Variants in CNTN5 observed in about 807,000 individuals in gnomAD.
CNTN5 encodes the protein contactin 5, also known as contactin-5.
Under a neutral mutation model 129.1 loss-of-function variants are expected in CNTN5, and 77 were observed. That is an observed-to-expected ratio of 0.60 (90% CI 0.50 to 0.72). The LOEUF (loss-of-function observed/expected upper bound fraction) is 0.72, where lower values mean the gene tolerates loss of function less well. CNTN5 is among the 30% of genes least tolerant of loss of function. The pLI, the probability that CNTN5 is intolerant of heterozygous loss-of-function variation, is 0.00. For synonymous variants in CNTN5, 509 were observed against 465.6 expected, an observed-to-expected ratio of 1.09 and a Z score of -1.20; for missense variants, 1,478 against 1,328.8, an observed-to-expected ratio of 1.11 and a Z score of -1.75.
chr11:100,179,595 G>A (rs563644856), intron 13 of CNTN5, among the ~76,000 whole-genome samples: 100 of 152,068 alleles, frequency 6.6e-4, no homozygotes, highest in African/African-American at 1.7e-3. Context: ...AAAAACCTGC[G>A]AGAAGAAATG....
At chr11:99,583,959 C>G (rs1181121487) in intron 3 of CNTN5, among the ~76,000 whole-genome samples, 1 of 152,128 alleles carries the variant, frequency 6.6e-6, no homozygotes, top group Non-Finnish European at 1.5e-5. Flanking sequence ...ATTCGGCCAT[C>G]TTGGCTCCAC....
At chr11:99,655,834 G>A (rs1385699386) in intron 3 of CNTN5, among the ~76,000 whole-genome samples, 4 of 151,686 alleles carry the variant, frequency 2.6e-5, no homozygotes, top group African/African-American at 7.3e-5. Flanking sequence ...GTAAAGACAG[G>A]AATAAATTTA....
intron 3 of CNTN5, among the ~76,000 whole-genome samples, chr11:99,654,358 G>A (rs1204438743): frequency 6.6e-6 from 1 of 152,024 alleles, no homozygotes; most frequent in Non-Finnish European, 1.5e-5. Flanking sequence ...GGGTGTATCA[G>A]CTTCTTAAAT....
intron 3 of CNTN5, among the ~76,000 whole-genome samples, chr11:99,561,403 A>T (rs1219242160): frequency 6.6e-6 from 1 of 152,208 alleles, no homozygotes; most frequent in East Asian, 1.9e-4. Flanking sequence ...TAAATAATGA[A>T]TCAGGAAAAT....
intron 4 of CNTN5, among the ~76,000 whole-genome samples, chr11:99,834,264 A>T (rs1441599234): frequency 6.6e-6 from 1 of 152,154 alleles, no homozygotes; most frequent in East Asian, 1.9e-4. Context: ...GCGTTTGTAG[A>T]TGCTGCATTC....
Position 100,308,486 on chromosome 11 carries a change from G to T in CNTN5, c.2730+18G>T. On this transcript the variant is annotated intron_variant, in intron 21 of 24. Coordinates refer to ENST00000524871, the MANE Select transcript of CNTN5 (RefSeq NM_014361.4). ...GATTTGAGGTATGAACAGAATGATT[G>T]AAAATAAGCCTTATTGTTTCTTCTG... The T allele has an allele frequency of 6.2e-7, 1 of 1,604,696 alleles. No homozygotes were observed. Among genetic ancestry groups the T allele is most frequent in the Non-Finnish European group, 8.5e-7 (1 of 1,175,052 alleles).
At chr11:100,224,600 C>A in intron 15 of CNTN5, 92 bp from the exon 16 acceptor site, 1 of 1,266,352 alleles carries the variant, frequency 7.9e-7, no homozygotes. Flanking sequence ...CAAAAATGGG[C>A]CCTTTTACTG....
chr11:99,064,473 A>G (rs7115136), intron 1 of CNTN5, among the ~76,000 whole-genome samples: 51,419 of 152,004 alleles, frequency 0.34, 9,166 homozygotes, highest in African/African-American at 0.43. Flanking sequence ...AGGTTTTATC[A>G]GAGAACAGTC....
intron 1 of CNTN5, among the ~76,000 whole-genome samples, chr11:99,318,439 T>C (rs1206597679): frequency 6.6e-6 from 1 of 152,162 alleles, no homozygotes; most frequent in Non-Finnish European, 1.5e-5. Context: ...TCAGCACTAA[T>C]GCTATGATTC....
At chr11:100,115,302 TAAGACTA>T (rs1229523894) in intron 13 of CNTN5, among the ~76,000 whole-genome samples, 1 of 152,016 alleles carries the variant, frequency 6.6e-6, no homozygotes, top group Non-Finnish European at 1.5e-5. Flanking sequence ...CATCAACTAT[TAAGACTA>T]ATTAAGGAGT....
At chr11:99,939,983 A>T (rs1182064751) in intron 7 of CNTN5, among the ~76,000 whole-genome samples, 1 of 152,206 alleles carries the variant, frequency 6.6e-6, no homozygotes, top group South Asian at 2.1e-4. Flanking sequence ...GGCAACCAGA[A>T]TATTTCACTT....
intron 3 of CNTN5, among the ~76,000 whole-genome samples, chr11:99,606,776 C>G (rs1950431185): frequency 1.4e-5 from 2 of 142,048 alleles, no homozygotes; most frequent in South Asian, 4.7e-4. Context: ...CAGAACAGAG[C>G]CCTCAGAAAT....
At chr11:99,899,039 G>C (rs1052557340) in intron 6 of CNTN5, among the ~76,000 whole-genome samples, 1 of 151,918 alleles carries the variant, frequency 6.6e-6, no homozygotes, top group Non-Finnish European at 1.5e-5. Flanking sequence ...CATTATTAGC[G>C]TATGGAAGTG....
intron 2 of CNTN5, among the ~76,000 whole-genome samples, chr11:99,411,381 G>A (rs1028916436): frequency 1.3e-5 from 2 of 152,086 alleles, no homozygotes; most frequent in African/African-American, 2.4e-5. Flanking sequence ...TTATATGGGT[G>A]TGGTGGTGCC....
At chr11:99,228,954 C>T (rs545138366) in intron 1 of CNTN5, among the ~76,000 whole-genome samples, 3 of 151,688 alleles carry the variant, frequency 2.0e-5, no homozygotes, top group Non-Finnish European at 2.9e-5. Flanking sequence ...ATATTTTATC[C>T]TTGCTTGTAT....
At chr11:99,634,102 T>A (rs1591393681) in intron 3 of CNTN5, among the ~76,000 whole-genome samples, 1 of 152,164 alleles carries the variant, frequency 6.6e-6, no homozygotes. Context: ...ATGCAGGATG[T>A]ATTGGAAGTG....
At chr11:99,963,097 A>G (rs1225978472) in intron 8 of CNTN5, among the ~76,000 whole-genome samples, 2 of 152,116 alleles carry the variant, frequency 1.3e-5, no homozygotes, top group Non-Finnish European at 2.9e-5. Context: ...ATTTTCTCCC[A>G]TTCTGTAGGT....
chr11:100,010,071 A>G (rs1459136393), intron 9 of CNTN5, among the ~76,000 whole-genome samples: 11 of 152,146 alleles, frequency 7.2e-5, no homozygotes, highest in Admixed American at 5.9e-4. Context: ...ATACTCTTGA[A>G]AGGGATTGAG....
intron 2 of CNTN5, among the ~76,000 whole-genome samples, chr11:99,491,894 G>T (rs1946049428): frequency 6.6e-6 from 1 of 152,116 alleles, no homozygotes; most frequent in Non-Finnish European, 1.5e-5. Context: ...AGGAATCACA[G>T]GAAGGAAAGA....
Sources: gnomAD v4.1 joint callset for allele counts (sites outside exome capture counted in the v4.1 genomes callset) on GRCh38, gnomAD v4.1.1 for gene constraint, MANE v1.5 for transcripts, NCBI Gene and HGNC (gene_info 2026-07-23, HGNC 2026-07-21) for gene names.